Variants in DSCAM observed in about 807,000 individuals in gnomAD.
DSCAM encodes cell adhesion molecule DSCAM.
In DSCAM, 47 loss-of-function variants were observed where a neutral mutation model predicts 217.7. The ratio of observed to expected loss-of-function variants is 0.22; its 90% CI spans 0.17 to 0.28. DSCAM has a LOEUF of 0.28. DSCAM is among the 10% of genes least tolerant of loss of function. DSCAM has a pLI of 1.00. For synonymous variants in DSCAM, 1,056 were observed against 1,015.3 expected, an observed-to-expected ratio of 1.04 and a Z score of -0.76; for missense variants, 2,080 against 2,618.3, an observed-to-expected ratio of 0.79 and a Z score of 4.49.
chr21:40,583,091 G>C (rs1213267784), intron 3 of DSCAM, among the ~76,000 whole-genome samples: 1 of 152,150 alleles, frequency 6.6e-6, no homozygotes, highest in Non-Finnish European at 1.5e-5. Flanking sequence ...GATCACTTCA[G>C]AATTCAGGCA....
intron 2 of DSCAM, among the ~76,000 whole-genome samples, chr21:40,706,990 C>A (rs922690512): frequency 4.6e-5 from 7 of 152,150 alleles, no homozygotes; most frequent in African/African-American, 1.7e-4. Flanking sequence ...GTAGCACAGA[C>A]GCCAGACAAG....
At chr21:40,385,570 T>C (rs773903018) in intron 3 of DSCAM, among the ~76,000 whole-genome samples, 1 of 152,204 alleles carries the variant, frequency 6.6e-6, no homozygotes, top group Non-Finnish European at 1.5e-5. Context: ...AATATATGTA[T>C]TGCATTGACA....
chr21:40,793,680 G>C (rs1197711398), intron 1 of DSCAM, among the ~76,000 whole-genome samples: 1 of 151,888 alleles, frequency 6.6e-6, no homozygotes, highest in East Asian at 1.9e-4. Flanking sequence ...TAGTAGAGAC[G>C]GGGTTCCACC....
At chr21:40,625,530 C>T (rs2089588644) in intron 3 of DSCAM, among the ~76,000 whole-genome samples, 1 of 152,098 alleles carries the variant, frequency 6.6e-6, no homozygotes, top group African/African-American at 2.4e-5. Context: ...TTCTGGAGTG[C>T]AAGCCCTCAT....
At chr21:40,563,656 ATGTT>A (rs1249450779) in intron 3 of DSCAM, among the ~76,000 whole-genome samples, 1 of 124,520 alleles carries the variant, frequency 8.0e-6, no homozygotes, top group Non-Finnish European at 1.6e-5. Flanking sequence ...TTATATGTTT[ATGTT>A]TGTTTATATA....
chr21:40,425,278 C>T (rs1216576171), intron 3 of DSCAM, among the ~76,000 whole-genome samples: 3 of 151,862 alleles, frequency 2.0e-5, no homozygotes, highest in African/African-American at 7.3e-5. Context: ...GTAATCCCAG[C>T]ACTTTGGGAT....
In DSCAM at chr21:40,708,888, A is replaced by C. The variant is rs942969751; in HGVS notation, c.44-117T>G. 3.1e-5 allele frequency: 21 copies of C among 679,544 alleles called. No individual in the cohort carries two copies. In the South Asian group the frequency reaches 5.0e-4, roughly 16 times the overall value. The allele number at this position is 679,544 out of a possible 1,614,324, so 42.1% of individuals were successfully genotyped here. A position where few individuals can be genotyped will look rare whatever the true frequency, so the allele number is the denominator to read the frequency against. ...AATTAATCATGAGGCGCAGGCTCAAATAAAACCAAATAATTCAAATTTTCT... is the reference window on the plus strand; with the variant it reads ...AATTAATCATGAGGCGCAGGCTCAACTAAAACCAAATAATTCAAATTTTCT... On this transcript the variant is annotated intron_variant, in intron 1 of 32. Transcript: ENST00000400454.
intron 11 of DSCAM, among the ~76,000 whole-genome samples, chr21:40,196,668 CCT>C (rs927723720): frequency 4.0e-5 from 6 of 151,776 alleles, no homozygotes; most frequent in African/African-American, 7.3e-5. Flanking sequence ...TTCACTTTCC[CCT>C]CTCTTTCTTC....
intron 1 of DSCAM, among the ~76,000 whole-genome samples, chr21:40,784,594 G>T (rs2091576808): frequency 6.6e-6 from 1 of 152,174 alleles, no homozygotes; most frequent in African/African-American, 2.4e-5. Flanking sequence ...CCTCCCCAAA[G>T]TTCATTGTTG....
intron 8 of DSCAM, among the ~76,000 whole-genome samples, chr21:40,319,623 T>C (rs184045379): frequency 6.6e-6 from 1 of 152,282 alleles, no homozygotes; most frequent in East Asian, 1.9e-4. Flanking sequence ...ATTACTGGAT[T>C]ATATAAATTT....
At chr21:40,518,116 T>C (rs946789078) in intron 3 of DSCAM, among the ~76,000 whole-genome samples, 2 of 151,216 alleles carry the variant, frequency 1.3e-5, no homozygotes, top group African/African-American at 4.9e-5. Flanking sequence ...TGGGTATTAG[T>C]GAACCTCGAT....
intron 20 of DSCAM, among the ~76,000 whole-genome samples, chr21:40,115,495 C>T (rs1372758387): frequency 1.3e-5 from 2 of 152,112 alleles, no homozygotes; most frequent in Admixed American, 6.5e-5. Context: ...AGCACACCAA[C>T]ATGGCACATG....
rs138368076 is a variant in DSCAM at position 40,734,297 on chromosome 21, G to T, written c.44-25526C>A. ...ACGGGGCTACAAGAGGAGAGCAGGA[G>T]GAAGATAAGAAAAGGGGCACGCTGC... On this transcript the variant is annotated intron_variant, in intron 1 of 32. Transcript: ENST00000400454. 2.0e-5 allele frequency among the ~76,000 whole-genome samples: 3 copies of T among 152,282 alleles called. No homozygotes were observed. The East Asian group carries it at 5.8e-4, about 30-fold the overall frequency.
chr21:40,571,639 C>G (rs916244340), intron 3 of DSCAM, among the ~76,000 whole-genome samples: 1 of 152,090 alleles, frequency 6.6e-6, no homozygotes, highest in Non-Finnish European at 1.5e-5. Flanking sequence ...AATAAAGGAC[C>G]TACTTATTAT....
At position 40,272,995 on chromosome 21, in the gene DSCAM, T is replaced by C. The variant is rs939302782; in HGVS notation, c.2356+3102A>G. 3.3e-5 allele frequency among the ~76,000 whole-genome samples: 5 copies of C among 152,212 alleles called. No homozygotes were observed. In the East Asian group the frequency reaches 9.6e-4, roughly 29 times the overall value. On this transcript the variant is annotated intron_variant, in intron 11 of 32. Transcript: ENST00000400454. ...CCAGGGCTGAGCTTTGGACGAGTAT[T>C]AGACAAGGATGAAAATACCTCCCCA...
intron 11 of DSCAM, among the ~76,000 whole-genome samples, chr21:40,201,390 C>T (rs1298997365): frequency 5.3e-5 from 8 of 149,898 alleles, no homozygotes; most frequent in Non-Finnish European, 1.2e-4. Context: ...TTTTTTTTTC[C>T]ATCTGTCTGG....
chr21:40,037,677 A>G (rs886161000), intron 32 of DSCAM, among the ~76,000 whole-genome samples: 22 of 149,860 alleles, frequency 1.5e-4, no homozygotes, highest in Admixed American at 1.4e-3. Flanking sequence ...TTTAAAGTTC[A>G]TATGGAACCA....
chr21:40,114,008 A>G (rs1293024509), intron 20 of DSCAM, among the ~76,000 whole-genome samples: 1 of 152,050 alleles, frequency 6.6e-6, no homozygotes, highest in African/African-American at 2.4e-5. Context: ...TATAGATTCA[A>G]TGCCATCCCC....
intron 11 of DSCAM, among the ~76,000 whole-genome samples, chr21:40,200,240 T>A (rs7279870): frequency 1.4e-4 from 21 of 152,062 alleles, no homozygotes; most frequent in Admixed American, 9.8e-4. Flanking sequence ...CTACAATTCA[T>A]CCCCCAAACT....
Sources: allele counts gnomAD v4.1 joint callset (sites outside exome capture counted in the v4.1 genomes callset), GRCh38; gene constraint gnomAD v4.1.1; transcripts MANE v1.5; gene names NCBI Gene and HGNC (gene_info 2026-07-23, HGNC 2026-07-21).